Variants in SGCZ observed in about 807,000 individuals in gnomAD.
The protein encoded by SGCZ is zeta-sarcoglycan.
SGCZ carries 40 observed loss-of-function variants against 41.3 expected under a neutral mutation model. That is an observed-to-expected ratio of 0.97 (90% CI 0.75 to 1.26). SGCZ has a LOEUF of 1.26. SGCZ is among the 50% of genes most tolerant of loss of function. The pLI is 0.00. For missense variants in SGCZ, 552 were observed against 369.8 expected, an observed-to-expected ratio of 1.49 and a Z score of -4.04; for synonymous variants, 206 against 137.5, an observed-to-expected ratio of 1.50 and a Z score of -3.49.
intron 6 of SGCZ, among the ~76,000 whole-genome samples, chr8:14,103,472 G>A (rs1377079294): frequency 6.6e-6 from 1 of 152,104 alleles, no homozygotes; most frequent in African/African-American, 2.4e-5. Flanking sequence ...AGCACAACTG[G>A]TTTTGTTTTT....
At chr8:14,990,969 TA>T (rs952997394) in intron 1 of SGCZ, among the ~76,000 whole-genome samples, 1 of 152,172 alleles carries the variant, frequency 6.6e-6, no homozygotes, top group Non-Finnish European at 1.5e-5. Flanking sequence ...GGGTTAAACT[TA>T]AAAATAATTC....
chr8:14,939,752 GCAAA>G (rs1024880361), intron 1 of SGCZ, among the ~76,000 whole-genome samples: 9 of 152,016 alleles, frequency 5.9e-5, no homozygotes, highest in African/African-American at 2.2e-4. Flanking sequence ...TAAGACCGGC[GCAAA>G]CAGTGTTCAC....
chr8:14,207,344 T>C (rs1373298900), intron 4 of SGCZ, among the ~76,000 whole-genome samples: 2 of 152,224 alleles, frequency 1.3e-5, no homozygotes, highest in African/African-American at 4.8e-5. Context: ...TAGTTCTACT[T>C]AACATTATCA....
intron 4 of SGCZ, among the ~76,000 whole-genome samples, chr8:14,192,907 G>C (rs150174532): frequency 1.3e-5 from 2 of 151,982 alleles, no homozygotes; most frequent in Non-Finnish European, 2.9e-5. Flanking sequence ...TACATTATAT[G>C]TTTATGATTG....
chr8:15,084,408 T>A (rs72607337), intron 1 of SGCZ, among the ~76,000 whole-genome samples: 5,781 of 152,240 alleles, frequency 0.038, 355 homozygotes, highest in East Asian at 0.28. Context: ...AGACATTAAA[T>A]AAGTTATTCA....
intron 1 of SGCZ, among the ~76,000 whole-genome samples, chr8:15,085,663 T>C (rs1459689316): frequency 6.6e-6 from 1 of 152,200 alleles, no homozygotes; most frequent in Admixed American, 6.5e-5. Flanking sequence ...TGAACTATAA[T>C]GTACATTTTA....
chr8:14,351,391 A>T (rs1585395570), intron 2 of SGCZ, among the ~76,000 whole-genome samples: 1 of 152,036 alleles, frequency 6.6e-6, no homozygotes, highest in African/African-American at 2.4e-5. Context: ...TTGGCTATCA[A>T]CTTCAGCCTT....
At chr8:14,899,631 G>C (rs1270826819) in intron 1 of SGCZ, among the ~76,000 whole-genome samples, 1 of 152,114 alleles carries the variant, frequency 6.6e-6, no homozygotes, top group Non-Finnish European at 1.5e-5. Flanking sequence ...TGCTGTGCTA[G>C]GTTCACTACC....
intron 1 of SGCZ, among the ~76,000 whole-genome samples, chr8:14,986,411 G>A (rs942793689): frequency 6.6e-5 from 10 of 152,014 alleles, no homozygotes; most frequent in African/African-American, 2.4e-4. Context: ...GATACGCACA[G>A]CATTTTCACC....
intron 1 of SGCZ, among the ~76,000 whole-genome samples, chr8:14,643,283 A>T (rs1349488499): frequency 6.6e-6 from 1 of 151,672 alleles, no homozygotes; most frequent in Non-Finnish European, 1.5e-5. Context: ...TATATAATAC[A>T]TGCAGACAGT....
intron 3 of SGCZ, among the ~76,000 whole-genome samples, chr8:14,247,068 T>G: frequency 6.6e-6 from 1 of 152,192 alleles, no homozygotes; most frequent in African/African-American, 2.4e-5. Flanking sequence ...CCTTGAATTC[T>G]GCACTCACAT....
At chr8:14,779,036 C>T (rs1800501004) in intron 1 of SGCZ, among the ~76,000 whole-genome samples, 1 of 152,202 alleles carries the variant, frequency 6.6e-6, no homozygotes, top group African/African-American at 2.4e-5. Context: ...CACACCAGTA[C>T]TGTTAACAAC....
chr8:14,175,331 CAG>C (rs1250453874), intron 4 of SGCZ, among the ~76,000 whole-genome samples: 3 of 151,926 alleles, frequency 2.0e-5, no homozygotes, highest in Non-Finnish European at 2.9e-5. Context: ...GCTCAAAAAT[CAG>C]AGACATGGGA....
intron 1 of SGCZ, among the ~76,000 whole-genome samples, chr8:15,057,443 C>T (rs1480007459): frequency 6.6e-6 from 1 of 152,138 alleles, no homozygotes; most frequent in Non-Finnish European, 1.5e-5. Flanking sequence ...CAGAGATAAT[C>T]ATCAAAGGTT....
intron 1 of SGCZ, among the ~76,000 whole-genome samples, chr8:15,110,478 G>A (rs1037536188): frequency 1.3e-5 from 2 of 152,200 alleles, no homozygotes; most frequent in Non-Finnish European, 2.9e-5. Context: ...GATAGCCAGA[G>A]AGCCTTCAGT....
intron 1 of SGCZ, among the ~76,000 whole-genome samples, chr8:14,778,027 G>A (rs980769047): frequency 2.0e-5 from 3 of 151,872 alleles, no homozygotes; most frequent in Non-Finnish European, 4.4e-5. Context: ...AGACTTAAGC[G>A]ATCCTCCCAC....
chr8:15,220,301 T>G (rs1801549510), intron 1 of SGCZ, among the ~76,000 whole-genome samples: 1 of 152,200 alleles, frequency 6.6e-6, no homozygotes, highest in Non-Finnish European at 1.5e-5. Flanking sequence ...CCAAACTTCC[T>G]GCTATCTAGT....
intron 6 of SGCZ, among the ~76,000 whole-genome samples, chr8:14,104,019 T>A (rs1220669867): frequency 2.0e-5 from 3 of 152,214 alleles, no homozygotes; most frequent in Non-Finnish European, 2.9e-5. Context: ...CACTTCTCTC[T>A]TGTATGGAAA....
chr8:14,761,868 G>C (rs2252093), intron 1 of SGCZ, among the ~76,000 whole-genome samples: 35,038 of 151,862 alleles, frequency 0.23, 5,787 homozygotes, highest in African/African-American at 0.47. Flanking sequence ...GATAAGTTTT[G>C]AACTCCCAAG....
Sources: allele counts gnomAD v4.1 joint callset (sites outside exome capture counted in the v4.1 genomes callset), GRCh38; gene constraint gnomAD v4.1.1; transcripts MANE v1.5; gene names NCBI Gene and HGNC (gene_info 2026-07-23, HGNC 2026-07-21).